Variants in SEC24B observed in about 807,000 individuals in gnomAD.
The protein encoded by SEC24B is SEC24 homolog B, COPII component, also known as protein transport protein Sec24B.
SEC24B carries 45 observed loss-of-function variants against 142.8 expected under a neutral mutation model. That is an observed-to-expected ratio of 0.32 (90% CI 0.25 to 0.40). The LOEUF is 0.40. SEC24B is among the 10% of genes least tolerant of loss of function. The pLI is 1.00. For missense variants in SEC24B, 1,409 were observed against 1,526.8 expected (o/e 0.92, Z 1.29); for synonymous variants, 574 against 568.2 (o/e 1.01, Z -0.15).
At chr4:109,481,604 A>G (rs1425030613) in intron 3 of SEC24B, 73 bp from the exon 4 acceptor site, 10 of 1,004,424 alleles carry the variant, frequency 1.0e-5, no homozygotes, top group Non-Finnish European at 1.5e-5. Context: ...CTCACTTTTA[A>G]TGCAATGTCA....
intron 1 of SEC24B, among the ~76,000 whole-genome samples, chr4:109,458,662 T>C (rs1730948533): frequency 6.6e-6 from 1 of 152,196 alleles, no homozygotes; most frequent in Non-Finnish European, 1.5e-5. Flanking sequence ...TGGAAAGATA[T>C]TCAAATCATG....
At chr4:109,442,739 T>C (rs1324883070) in intron 1 of SEC24B, among the ~76,000 whole-genome samples, 1 of 152,164 alleles carries the variant, frequency 6.6e-6, no homozygotes, top group African/African-American at 2.4e-5. Flanking sequence ...ATTAGAGATG[T>C]GGTTTTTGTT....
rs189497403 is a variant in SEC24B, at chr4:109,539,683, T to C, written c.*8T>C. Reference sequence around the variant, plus strand: ...CAGCAGATTTGTAAGTGAAGTAGAATAAAATTGAATAAGAAAAAGATCTAT... The same window carrying C: ...CAGCAGATTTGTAAGTGAAGTAGAACAAAATTGAATAAGAAAAAGATCTAT... On this transcript the variant is annotated 3_prime_UTR_variant, in exon 24 of 24. Coordinates refer to ENST00000265175, the MANE Select transcript of SEC24B (RefSeq NM_006323.5). 5.9e-6 allele frequency: 9 copies of C among 1,531,186 alleles called. No homozygotes were observed. The highest frequency in any genetic ancestry group is 1.8e-4 in the Middle Eastern group (1 of 5,590). The allele number at this position is 1,531,186 out of a possible 1,614,324, so 94.8% of individuals were successfully genotyped here.
At chr4:109,466,052 C>CA (rs370744393) in intron 2 of SEC24B, among the ~76,000 whole-genome samples, 38 of 149,314 alleles carry the variant, frequency 2.5e-4, no homozygotes, top group South Asian at 1.1e-3. Flanking sequence ...TGCTTCATTT[C>CA]AAAAAAAAAG....
chr4:109,484,508 A>G (rs1345870489), intron 4 of SEC24B, among the ~76,000 whole-genome samples: 1 of 152,166 alleles, frequency 6.6e-6, no homozygotes, highest in Non-Finnish European at 1.5e-5. Context: ...CTTTGAGACT[A>G]TTTAAATGTT....
intron 3 of SEC24B, among the ~76,000 whole-genome samples, chr4:109,478,219 G>A (rs919060202): frequency 6.6e-6 from 1 of 151,790 alleles, no homozygotes; most frequent in African/African-American, 2.4e-5. Context: ...CGGGGAGGCA[G>A]AGGTTGCAGT....
rs775978447 is a variant in SEC24B at position 109,482,936 on chromosome 4, CTATATATATATATATATATATATATATA to C, written c.1165+1172_1165+1199del. On this transcript the variant is annotated intron_variant, in intron 4 of 23. Transcript: ENST00000265175. Reference sequence around the variant, plus strand: ...CATGAGCTACCTTGCCAGGCTTGTACTATATATATATATATATATATATATATATATATATATATATATACACACACAC... The same window carrying C: ...CATGAGCTACCTTGCCAGGCTTGTACTATATATATATATATACACACACAC... Among the ~76,000 whole-genome samples, 15 of 34,624 alleles carry C rather than the reference CTATATATATATATATATATATATATATA, an allele frequency of 4.3e-4. 1 individual carries two copies. The highest frequency in any genetic ancestry group is 4.1e-3 in the East Asian group (4 of 978). The allele number at this position is 34,624 out of a possible 152,430, so 22.7% of individuals were successfully genotyped here.
At chr4:109,440,531 A>G (rs551841547) in intron 1 of SEC24B, among the ~76,000 whole-genome samples, 2 of 152,350 alleles carry the variant, frequency 1.3e-5, no homozygotes, top group South Asian at 4.1e-4. Flanking sequence ...GGACTAGTGA[A>G]AAGGTTGTAG....
At chr4:109,523,874 G>A (rs1723931646) in intron 14 of SEC24B, among the ~76,000 whole-genome samples, 2 of 152,042 alleles carry the variant, frequency 1.3e-5, no homozygotes, top group African/African-American at 4.8e-5. Context: ...CCATTAAGTA[G>A]CATTGCTTTT....
At chr4:109,479,081 G>T (rs973669614) in intron 3 of SEC24B, among the ~76,000 whole-genome samples, 1 of 152,176 alleles carries the variant, frequency 6.6e-6, no homozygotes, top group Non-Finnish European at 1.5e-5. Flanking sequence ...ATATTAAGCA[G>T]CACCAAGGAT....
At chr4:109,531,318 T>A in intron 19 of SEC24B, 67 bp from the exon 20 acceptor site, 1 of 1,317,302 alleles carries the variant, frequency 7.6e-7, no homozygotes, top group Non-Finnish European at 1.1e-6. Flanking sequence ...TGACAGTGTA[T>A]ATTTGTTTTA....
intron 4 of SEC24B, among the ~76,000 whole-genome samples, chr4:109,489,813 T>C (rs980057345): frequency 4.0e-5 from 6 of 151,758 alleles, no homozygotes; most frequent in Admixed American, 2.6e-4. Context: ...TTTATAGATA[T>C]ACCATATTTT....
In SEC24B at chr4:109,533,460, A is replaced by G. The variant is rs1725154085; in HGVS notation, c.3496-133A>G. Reference sequence around the variant, plus strand: ...CTGGATTCTTACATATAGATTCACAATGTAACAATTATAGATTTCCTTTTT... The same window carrying G: ...CTGGATTCTTACATATAGATTCACAGTGTAACAATTATAGATTTCCTTTTT... On this transcript the variant is annotated intron_variant, in intron 21 of 23. Transcript: ENST00000265175. 5 of 661,438 alleles carry G rather than the reference A, an allele frequency of 7.6e-6. No homozygotes were observed. The East Asian group carries it at 7.9e-5, about 10-fold the overall frequency. 41.0% of individuals were successfully genotyped at this position (661,438 alleles called of 1,614,324 possible). A position where few individuals can be genotyped will look rare whatever the true frequency, so the allele number is the denominator to read the frequency against.
chr4:109,462,805 T>C (rs1382999699), intron 1 of SEC24B, 96 bp from the exon 2 acceptor site: 1 of 1,020,974 alleles, frequency 9.8e-7, no homozygotes, highest in Non-Finnish European at 1.4e-6. Flanking sequence ...GTTGGGATTA[T>C]GGAAAAGAAA....
At chr4:109,450,759 T>C (rs1419687043) in intron 1 of SEC24B, 2 of 151,258 alleles carry the variant, frequency 1.3e-5, no homozygotes, top group Non-Finnish European at 2.9e-5. Context: ...TCTTTTTTTT[T>C]TTTTTTTTTT....
At chr4:109,455,228 GT>G (rs1730541029) in intron 1 of SEC24B, among the ~76,000 whole-genome samples, 1 of 151,742 alleles carries the variant, frequency 6.6e-6, no homozygotes, top group Non-Finnish European at 1.5e-5. Context: ...TCTCTTAAGT[GT>G]TTAATTTACA....
rs138076437 is a variant in SEC24B at position 109,440,772 on chromosome 4, A to T, written c.133+6770A>T. ...AAACCATATGAGTTTTCTTCATCAT[A>T]TGCCCAGTAGTAGCAGCTTGTAATA... On this transcript the variant is annotated intron_variant, in intron 1 of 23. Coordinates refer to ENST00000265175, the MANE Select transcript of SEC24B (RefSeq NM_006323.5). Among the ~76,000 whole-genome samples the T allele has an allele frequency of 3.3e-3, 506 of 152,330 alleles. 4 individuals are homozygous for T. The highest frequency in any genetic ancestry group is 0.011 in the African/African-American group (462 of 41,582).
chr4:109,513,011 G>T (rs1216471395), intron 9 of SEC24B, among the ~76,000 whole-genome samples: 1 of 131,322 alleles, frequency 7.6e-6, no homozygotes, highest in Non-Finnish European at 1.6e-5. Flanking sequence ...GTCTCACTCT[G>T]TCACCCAGGT....
chr4:109,524,730 G>A (rs1043162710), intron 14 of SEC24B, 88 bp from the exon 15 acceptor site: 3 of 1,230,052 alleles, frequency 2.4e-6, no homozygotes, highest in African/African-American at 3.1e-5. Context: ...TTGGTAGGGA[G>A]GCAGAGGATA....
Sources: allele counts gnomAD v4.1 joint callset (sites outside exome capture counted in the v4.1 genomes callset), GRCh38; gene constraint gnomAD v4.1.1; transcripts MANE v1.5; gene names NCBI Gene and HGNC (gene_info 2026-07-23, HGNC 2026-07-21).